Variants in TRPM3 observed in about 807,000 individuals in gnomAD.
TRPM3 encodes long transient receptor potential channel 3.
In TRPM3, 77 loss-of-function variants were observed where a neutral mutation model predicts 181.2. The observed-to-expected ratio is 0.42, with a 90% confidence interval of 0.35 to 0.51. TRPM3 has a LOEUF of 0.51. TRPM3 is among the 20% of genes least tolerant of loss of function. The probability of loss-of-function intolerance (pLI) is 0.01; values close to 1 mark genes in which losing one functional copy is unlikely to be tolerated. For synonymous variants in TRPM3, 745 were observed against 796.4 expected, an observed-to-expected ratio of 0.94 and a Z score of 1.09; for missense variants, 1,759 against 2,196.7, an observed-to-expected ratio of 0.80 and a Z score of 3.98.
chr9:71,037,593 G>T (rs183638686), intron 1 of TRPM3, among the ~76,000 whole-genome samples: 1 of 152,200 alleles, frequency 6.6e-6, no homozygotes, highest in African/African-American at 2.4e-5. Flanking sequence ...TGAGTTACAC[G>T]ACTGCACTTC....
At chr9:70,774,282 G>A in intron 7 of TRPM3, 1 of 153,138 alleles carries the variant, frequency 6.5e-6, no homozygotes, top group Non-Finnish European at 1.5e-5. Flanking sequence ...ATATGAAAAC[G>A]ACAATGATGA....
intron 1 of TRPM3, among the ~76,000 whole-genome samples, chr9:70,914,152 T>A (rs1041355472): frequency 6.6e-6 from 1 of 152,196 alleles, no homozygotes; most frequent in Non-Finnish European, 1.5e-5. Flanking sequence ...AGCTCCTTCC[T>A]CATGAATGGA....
chr9:71,213,245 A>C (rs866368794), intron 1 of TRPM3, among the ~76,000 whole-genome samples: 2 of 152,232 alleles, frequency 1.3e-5, no homozygotes, highest in South Asian at 4.1e-4. Context: ...TAAAATTTAC[A>C]TTTCATGTCA....
chr9:71,240,429 G>C (rs2081595891), intron 1 of TRPM3, among the ~76,000 whole-genome samples: 1 of 152,102 alleles, frequency 6.6e-6, no homozygotes, highest in African/African-American at 2.4e-5. Context: ...GTGTTGTCTT[G>C]AGTGAGTTAA....
chr9:71,432,014 A>T (rs1421193578), intron 1 of TRPM3, among the ~76,000 whole-genome samples: 2 of 152,208 alleles, frequency 1.3e-5, no homozygotes, highest in Non-Finnish European at 2.9e-5. Flanking sequence ...CCTGAAGGAG[A>T]TCCTAAACCA....
intron 21 of TRPM3, among the ~76,000 whole-genome samples, chr9:70,596,821 C>T (rs1288448594): frequency 3.3e-5 from 5 of 151,678 alleles, no homozygotes; most frequent in South Asian, 2.1e-4. Context: ...TTTCTGTTTT[C>T]GAGAAAAAAA....
chr9:70,934,755 T>A (rs905371405), intron 1 of TRPM3, among the ~76,000 whole-genome samples: 12 of 152,194 alleles, frequency 7.9e-5, no homozygotes, highest in Admixed American at 3.9e-4. Context: ...GTTTCTGTTG[T>A]CCATGTGTTT....
At chr9:71,338,210 A>T (rs188802263) in intron 1 of TRPM3, among the ~76,000 whole-genome samples, 1 of 152,256 alleles carries the variant, frequency 6.6e-6, no homozygotes, top group East Asian at 1.9e-4. Flanking sequence ...TAAAAGTCAC[A>T]TCTAACGACT....
At chr9:71,294,048 A>G (rs1391462517) in intron 1 of TRPM3, among the ~76,000 whole-genome samples, 1 of 152,046 alleles carries the variant, frequency 6.6e-6, no homozygotes, top group East Asian at 1.9e-4. Flanking sequence ...GTGAAGAGTA[A>G]GATCTTTGAG....
chr9:71,183,583 C>G (rs1362802705), intron 1 of TRPM3, among the ~76,000 whole-genome samples: 1 of 152,056 alleles, frequency 6.6e-6, no homozygotes, highest in Non-Finnish European at 1.5e-5. Flanking sequence ...CCAAGCTTTA[C>G]TTATTAATTT....
At chr9:70,919,086 T>A (rs1164544330) in intron 1 of TRPM3, among the ~76,000 whole-genome samples, 1 of 152,136 alleles carries the variant, frequency 6.6e-6, no homozygotes, top group Non-Finnish European at 1.5e-5. Flanking sequence ...CTGTCTCCCC[T>A]CTTTCCAATT....
intron 1 of TRPM3, among the ~76,000 whole-genome samples, chr9:71,077,923 T>TC (rs200323622): frequency 6.7e-6 from 1 of 150,334 alleles, no homozygotes; most frequent in Non-Finnish European, 1.5e-5. Context: ...TTTTTTTTTT[T>TC]CCTATCTCAG....
At chr9:71,240,469 A>G (rs1324265996) in intron 1 of TRPM3, among the ~76,000 whole-genome samples, 2 of 152,140 alleles carry the variant, frequency 1.3e-5, no homozygotes, top group South Asian at 4.1e-4. Context: ...TCTAACCATG[A>G]CTATTAGCAA....
chr9:71,050,894 CT>C (rs34239954), intron 1 of TRPM3, among the ~76,000 whole-genome samples: 9,955 of 152,176 alleles, frequency 0.065, 494 homozygotes, highest in African/African-American at 0.13. Context: ...GTGAGGGCAC[CT>C]GATTAATGGG....
At chr9:71,089,557 A>C (rs911581045) in intron 1 of TRPM3, among the ~76,000 whole-genome samples, 1 of 151,558 alleles carries the variant, frequency 6.6e-6, no homozygotes, top group Non-Finnish European at 1.5e-5. Flanking sequence ...ATAAAATAAT[A>C]TTTGGACAAT....
intron 1 of TRPM3, among the ~76,000 whole-genome samples, chr9:70,974,731 AAAT>A (rs138288368): frequency 0.29 from 43,228 of 150,998 alleles, 6,191 homozygotes; most frequent in East Asian, 0.36. Flanking sequence ...TCCATCTCAA[AAAT>A]AATAATAATA....
intron 1 of TRPM3, among the ~76,000 whole-genome samples, chr9:70,946,012 A>G (rs150320077): frequency 1.6e-3 from 248 of 152,350 alleles, no homozygotes; most frequent in African/African-American, 5.6e-3. Flanking sequence ...AAAGTGAAGC[A>G]GACATACTTT....
intron 1 of TRPM3, chr9:70,916,871 C>A (rs1313486134): frequency 1.6e-6 from 1 of 614,670 alleles, no homozygotes; most frequent in Non-Finnish European, 2.7e-6. Flanking sequence ...ATAAATCAAA[C>A]TTGAAAAGTC....
chr9:70,777,016 C>T (rs779524749), intron 7 of TRPM3, among the ~76,000 whole-genome samples: 1 of 151,906 alleles, frequency 6.6e-6, no homozygotes, highest in African/African-American at 2.4e-5. Context: ...TTGATAACCA[C>T]GTTTATTTGG....
Sources: gnomAD v4.1 joint callset for allele counts (sites outside exome capture counted in the v4.1 genomes callset) on GRCh38, gnomAD v4.1.1 for gene constraint, MANE v1.5 for transcripts, NCBI Gene and HGNC (gene_info 2026-07-23, HGNC 2026-07-21) for gene names.